The following TBC1D5 variants were observed in gnomAD, a reference collection of about 807,000 sequenced individuals.
The protein encoded by TBC1D5 is TBC1 domain family member 5, also known as TBC1 domain family, member 5.
Under a neutral mutation model 100.3 loss-of-function variants are expected in TBC1D5, and 75 were observed. The ratio of observed to expected loss-of-function variants is 0.75; its 90% CI spans 0.62 to 0.91. The LOEUF is 0.91. Among genes scored for constraint, TBC1D5 ranks in the 40% least tolerant of loss-of-function variants. TBC1D5 has a pLI of 0.00. For missense variants in TBC1D5, 910 were observed against 942.4 expected, an observed-to-expected ratio of 0.97 and a Z score of 0.45; for synonymous variants, 323 against 325.6, an observed-to-expected ratio of 0.99 and a Z score of 0.09.
At chr3:17,613,572 G>A (rs755350379) in intron 2 of TBC1D5, among the ~76,000 whole-genome samples, 5 of 152,080 alleles carry the variant, frequency 3.3e-5, no homozygotes, top group African/African-American at 7.2e-5. Context: ...TTTAATGATC[G>A]CCATTCTAAC....
At chr3:17,183,147 A>G (rs1016974757) in intron 19 of TBC1D5, among the ~76,000 whole-genome samples, 4 of 152,166 alleles carry the variant, frequency 2.6e-5, no homozygotes, top group Non-Finnish European at 5.9e-5. Context: ...CAGTCACTTT[A>G]CAACCTAGCT....
rs1410778915 is a variant in TBC1D5, at chr3:17,348,202, T to A, written c.995+23873A>T. ...CTATAATTGCAATAGCATTGTGTAT[T>A]TGCTGAAAATCACCTTGGAACTATC... On this transcript the variant is annotated intron_variant, in intron 13 of 21. Coordinates refer to ENST00000253692, the Ensembl canonical transcript of TBC1D5. Among the ~76,000 whole-genome samples the A allele has an allele frequency of 2.0e-5, 3 of 152,352 alleles. No individual in the cohort carries two copies. In the East Asian group the frequency reaches 5.8e-4, roughly 29 times the overall value.
chr3:17,569,419 CAT>C (rs1166613292), intron 2 of TBC1D5, among the ~76,000 whole-genome samples: 3 of 151,736 alleles, frequency 2.0e-5, no homozygotes, highest in East Asian at 1.9e-4. Flanking sequence ...AAATTCATGA[CAT>C]ATTGATTCAA....
intron 3 of TBC1D5, among the ~76,000 whole-genome samples, chr3:17,480,174 G>A (rs968815660): frequency 2.0e-5 from 3 of 152,202 alleles, no homozygotes; most frequent in Non-Finnish European, 4.4e-5. Context: ...TCAGGACTTC[G>A]GGCACCAGCG....
At chr3:17,486,702 C>CA (rs1353248442) in intron 3 of TBC1D5, among the ~76,000 whole-genome samples, 1 of 152,182 alleles carries the variant, frequency 6.6e-6, no homozygotes, top group Admixed American at 6.5e-5. Context: ...ATAACACTAA[C>CA]AGCACACTGT....
At chr3:17,493,444 C>T (rs1356813970) in intron 3 of TBC1D5, among the ~76,000 whole-genome samples, 3 of 151,506 alleles carry the variant, frequency 2.0e-5, no homozygotes, top group African/African-American at 7.3e-5. Flanking sequence ...GAAATATCTT[C>T]TATTTCCTGA....
At chr3:17,421,061 CA>C (rs1220814087) in intron 4 of TBC1D5, among the ~76,000 whole-genome samples, 1 of 152,134 alleles carries the variant, frequency 6.6e-6, no homozygotes, top group African/African-American at 2.4e-5. Flanking sequence ...TGAATGCAAA[CA>C]AATCAGTTGA....
chr3:17,621,734 A>G (rs912431995), intron 2 of TBC1D5, among the ~76,000 whole-genome samples: 4 of 151,982 alleles, frequency 2.6e-5, no homozygotes, highest in Admixed American at 2.0e-4. Flanking sequence ...ACAAATCCAC[A>G]AGGAAAATTC....
chr3:17,650,721 C>A (rs2065468162), intron 1 of TBC1D5, among the ~76,000 whole-genome samples: 1 of 152,108 alleles, frequency 6.6e-6, no homozygotes, highest in African/African-American at 2.4e-5. Flanking sequence ...GAATTTTATT[C>A]TTTTTCTGAG....
intron 13 of TBC1D5, 25 bp from the exon 14 acceptor site, chr3:17,308,159 C>T (rs765025035): frequency 6.4e-7 from 1 of 1,560,746 alleles, no homozygotes; most frequent in Non-Finnish European, 8.6e-7. Flanking sequence ...AACAAAAATT[C>T]AGAAGACAGT....
chr3:17,171,664 G>A (rs2067182158), intron 19 of TBC1D5, among the ~76,000 whole-genome samples: 1 of 151,914 alleles, frequency 6.6e-6, no homozygotes, highest in Admixed American at 6.5e-5. Flanking sequence ...ACTAGATTAG[G>A]GTAAGCCCTA....
At chr3:17,620,769 A>C (rs1189011133) in intron 2 of TBC1D5, among the ~76,000 whole-genome samples, 1 of 152,200 alleles carries the variant, frequency 6.6e-6, no homozygotes, top group Admixed American at 6.5e-5. Context: ...TATATATTCA[A>C]AAAATTAAAT....
At chr3:17,359,306 GA>G (rs1405573796) in intron 13 of TBC1D5, among the ~76,000 whole-genome samples, 2 of 152,050 alleles carry the variant, frequency 1.3e-5, no homozygotes, top group African/African-American at 4.8e-5. Context: ...AGCATCTTAT[GA>G]CATTATGAAA....
At position 17,733,772 on chromosome 3, in the gene TBC1D5, TA is replaced by T. The variant is rs573009097; in HGVS notation, c.-101+5570del. Among the ~76,000 whole-genome samples the T allele has an allele frequency of 1.2e-3, 180 of 151,494 alleles. 2 individuals are homozygous for T. Among genetic ancestry groups the T allele is most frequent in the South Asian group, 9.7e-3 (46 of 4,726 alleles). ...TCAAAATTAATCATGAAAAAACCCTTAAAAAAAATGGCTGGCTCCAGATGGT... is the reference window on the plus strand; with the variant it reads ...TCAAAATTAATCATGAAAAAACCCTTAAAAAAATGGCTGGCTCCAGATGGT... On this transcript the variant is annotated intron_variant, in intron 1 of 21. Coordinates refer to ENST00000253692, the Ensembl canonical transcript of TBC1D5.
chr3:17,638,832 T>C (rs995677397), intron 1 of TBC1D5, among the ~76,000 whole-genome samples: 2 of 151,984 alleles, frequency 1.3e-5, no homozygotes, highest in Non-Finnish European at 1.5e-5. Context: ...TTTTAAGTTA[T>C]AAAAGAATAT....
At chr3:17,706,868 T>G (rs998710653) in intron 1 of TBC1D5, among the ~76,000 whole-genome samples, 1 of 151,434 alleles carries the variant, frequency 6.6e-6, no homozygotes, top group Non-Finnish European at 1.5e-5. Context: ...CCTTTTTTTT[T>G]TAAAAAAAGT....
rs564221721 is a variant in TBC1D5 at position 17,242,643 on chromosome 3, C to T, written c.1332-4224G>A. ...AGTTTTCTCTCATTTTCTAAATAGC[C>T]TTGTTGGCTCATTTGTTATTTAGGT... On this transcript the variant is annotated intron_variant, in intron 16 of 21. Transcript: ENST00000253692. Among the ~76,000 whole-genome samples the T allele has an allele frequency of 7.5e-4, 114 of 151,988 alleles. 2 individuals are homozygous for T. The South Asian group carries it at 0.011, about 15-fold the overall frequency.
At chr3:17,637,572 C>T (rs578084591) in intron 1 of TBC1D5, among the ~76,000 whole-genome samples, 2 of 151,758 alleles carry the variant, frequency 1.3e-5, no homozygotes, top group African/African-American at 4.8e-5. Flanking sequence ...TTTCTACACA[C>T]TAATACAAAG....
At chr3:17,734,150 T>G (rs1271862698) in intron 1 of TBC1D5, among the ~76,000 whole-genome samples, 1 of 152,236 alleles carries the variant, frequency 6.6e-6, no homozygotes, top group Non-Finnish European at 1.5e-5. Context: ...GTCATAAAGA[T>G]TGAAAGAAAT....
Sources: allele counts gnomAD v4.1 joint callset (sites outside exome capture counted in the v4.1 genomes callset), GRCh38; gene constraint gnomAD v4.1.1; transcripts MANE v1.5; gene names NCBI Gene and HGNC (gene_info 2026-07-23, HGNC 2026-07-21).